Variants in PC observed in about 807,000 individuals in gnomAD.
PC encodes the protein pyruvate carboxylase, mitochondrial.
A neutral mutation model predicts 107.8 loss-of-function variants in PC; 46 were observed. That is an observed-to-expected ratio of 0.43 (90% CI 0.34 to 0.55). The LOEUF is 0.55. Ranked by LOEUF, PC falls within the 20% of genes least tolerant of loss-of-function variation. The pLI is 0.04. For synonymous variants in PC, 662 were observed against 684.7 expected, an observed-to-expected ratio of 0.97 and a Z score of 0.52; for missense variants, 1,241 against 1,643.1, an observed-to-expected ratio of 0.76 and a Z score of 4.23.
chr11:66,956,673 T>C (rs1342566629), intron 1 of PC, among the ~76,000 whole-genome samples: 2 of 152,208 alleles, frequency 1.3e-5, no homozygotes, highest in Non-Finnish European at 2.9e-5. Context: ...GTTTCTCCAC[T>C]GCAGCGGCAT....
chr11:66,873,746 CT>C (rs1946874033), intron 3 of PC, among the ~76,000 whole-genome samples: 1 of 150,004 alleles, frequency 6.7e-6, no homozygotes, highest in Non-Finnish European at 1.5e-5. Flanking sequence ...ACCCCTGCAT[CT>C]GGGCCTCATC....
chr11:66,941,212 G>A (rs1949122532), intron 3 of PC, among the ~76,000 whole-genome samples: 1 of 152,022 alleles, frequency 6.6e-6, no homozygotes, highest in African/African-American at 2.4e-5. Context: ...TGGTGAGGAT[G>A]TGGAAAAACT....
At chr11:66,941,152 G>C (rs1433265810) in intron 3 of PC, among the ~76,000 whole-genome samples, 1 of 149,266 alleles carries the variant, frequency 6.7e-6, no homozygotes, top group Non-Finnish European at 1.5e-5. Context: ...ACTACAATGA[G>C]ATATCACCTC....
chr11:66,885,727 G>A lies in PC; in HGVS notation c.1-13568C>T, dbSNP rs539501267. 1.1e-4 allele frequency among the ~76,000 whole-genome samples: 16 copies of A among 151,874 alleles called. No individual in the cohort carries two copies. The East Asian group carries it at 2.7e-3, about 26-fold the overall frequency. Reference sequence around the variant, plus strand: ...TGCTGGCAAACACCAGAAGCTGGCAGTGGCCAGGCAGGACCCTCCCAGAGC... The same window carrying A: ...TGCTGGCAAACACCAGAAGCTGGCAATGGCCAGGCAGGACCCTCCCAGAGC... On this transcript the variant is annotated intron_variant, in intron 3 of 22. Coordinates refer to ENST00000393960, the MANE Select transcript of PC (RefSeq NM_001040716.2).
In PC at chr11:66,863,974, C is replaced by T. The variant is rs768691819; in HGVS notation, c.1186-18G>A. 9 of 1,613,232 alleles carry T rather than the reference C, an allele frequency of 5.6e-6. No individual in the cohort carries two copies. Among genetic ancestry groups the T allele is most frequent in the Middle Eastern group, 1.6e-4 (1 of 6,084 alleles). ...CGGAACACCTGTGGGAAGGGTGAGG[C>T]GTGAGGACCTGCGCCAGAAACTGCG... On this transcript the variant is annotated intron_variant, in intron 11 of 22. Coordinates refer to ENST00000393960, the MANE Select transcript of PC (RefSeq NM_001040716.2).
rs1348683377 is a variant in PC, at chr11:66,852,308, T to C, written c.1825+131A>G. The C allele has an allele frequency of 1.1e-5, 9 of 846,078 alleles. No individual in the cohort carries two copies. In the East Asian group the frequency reaches 2.1e-4, roughly 20 times the overall value. 52.4% of individuals were successfully genotyped at this position (846,078 alleles called of 1,614,324 possible). On this transcript the variant is annotated intron_variant, in intron 15 of 22. Coordinates refer to ENST00000393960, the MANE Select transcript of PC (RefSeq NM_001040716.2). The surrounding 1 kb of genome is among the most constrained non-coding windows in gnomAD (Gnocchi z 4.7). ...GCCTGGCCGGAGAGGGCGCTGTGCC[T>C]TCTTCGGTCCTTCCTCTTTGGTGTT...
intron 3 of PC, among the ~76,000 whole-genome samples, chr11:66,879,339 C>T (rs903881557): frequency 6.6e-5 from 10 of 152,230 alleles, no homozygotes; most frequent in Admixed American, 3.3e-4. Flanking sequence ...CACACAGGCC[C>T]GAGGACACCA....
In PC at chr11:66,852,992, G is replaced by C. The variant is rs2135818550; in HGVS notation, c.1514-156C>G. 7 of 708,616 alleles carry C rather than the reference G, an allele frequency of 9.9e-6. 1 individual carries two copies. The South Asian group carries it at 1.3e-4, about 13-fold the overall frequency. The allele number at this position is 708,616 out of a possible 1,614,324, so 43.9% of individuals were successfully genotyped here. A position where few individuals can be genotyped will look rare whatever the true frequency, so the allele number is the denominator to read the frequency against. ...TCCTCTCCAAAGCCAGGGCCTCCTGGGTACAGGCAGTGGGGACGTCTTGAG... is the reference window on the plus strand; with the variant it reads ...TCCTCTCCAAAGCCAGGGCCTCCTGCGTACAGGCAGTGGGGACGTCTTGAG... On this transcript the variant is annotated intron_variant, in intron 13 of 22. Coordinates refer to ENST00000393960, the MANE Select transcript of PC (RefSeq NM_001040716.2). The surrounding 1 kb of genome is among the most constrained non-coding windows in gnomAD (Gnocchi z 4.7).
intron 3 of PC, among the ~76,000 whole-genome samples, chr11:66,929,156 G>A (rs188024811): frequency 6.6e-6 from 1 of 152,232 alleles, no homozygotes; most frequent in Non-Finnish European, 1.5e-5. Context: ...GTAGCCTTCT[G>A]GGACAAATCA....
At chr11:66,850,618 C>A in intron 18 of PC, 56 bp downstream of exon 18, 1 of 1,601,654 alleles carries the variant, frequency 6.2e-7, no homozygotes, top group Non-Finnish European at 8.5e-7. Context: ...ACTACTGGGA[C>A]TGGTGGTGGC....
At chr11:66,889,757 T>C (rs1003034129) in intron 3 of PC, among the ~76,000 whole-genome samples, 2 of 152,188 alleles carry the variant, frequency 1.3e-5, no homozygotes, top group African/African-American at 4.8e-5. Context: ...TGCAGTTCCT[T>C]TGTGATTCTT....
chr11:66,940,756 G>A (rs897903545), intron 3 of PC, among the ~76,000 whole-genome samples: 10 of 151,560 alleles, frequency 6.6e-5, no homozygotes, highest in Non-Finnish European at 1.3e-4. Context: ...TTTCCCCAAA[G>A]AAGATAGAAG....
intron 3 of PC, among the ~76,000 whole-genome samples, chr11:66,929,533 A>G (rs1004368474): frequency 6.6e-6 from 1 of 151,968 alleles, no homozygotes; most frequent in African/African-American, 2.4e-5. Context: ...TGCCCGGCTA[A>G]TTTTTGTATT....
chr11:66,851,929 C>A lies in PC; in HGVS notation c.1843G>T (p.Ala615Ser), dbSNP rs773466708. ...GGGCACTCATACAGGAAGCGCATGG[C>A]GACGTCAAACGTGGCTCCTGCACAG... ...ENWGGATFDVAMRFLYECPWR... is the reference protein window; with the variant it reads ...ENWGGATFDVSMRFLYECPWR... Residue 615 changes from alanine to serine, a missense_variant, in exon 16 of 23, where the codon GCC becomes TCC. By Grantham distance (99) the Ala-to-Ser change is moderately conservative (BLOSUM62 1). Coordinates refer to ENST00000393960, the MANE Select transcript of PC (RefSeq NM_001040716.2). 48 of 1,613,864 alleles carry A rather than the reference C, an allele frequency of 3.0e-5. No individual in the cohort carries two copies. The highest frequency in any genetic ancestry group is 4.0e-5 in the Non-Finnish European group (47 of 1,180,018).
intron 21 of PC, 26 bp downstream of exon 21, chr11:66,849,585 T>G (rs1945348197): frequency 1.2e-6 from 2 of 1,613,322 alleles, no homozygotes; most frequent in African/African-American, 2.7e-5. Context: ...CAGGGTGGAG[T>G]GTGGAGAAGC....
intron 3 of PC, among the ~76,000 whole-genome samples, chr11:66,928,504 AT>A (rs1423376142): frequency 1.3e-5 from 2 of 151,882 alleles, no homozygotes; most frequent in East Asian, 1.9e-4. Context: ...AAAAAAAAAA[AT>A]AATGTGAGCA....
At chr11:66,947,100 T>A (rs1206959554) in intron 3 of PC, among the ~76,000 whole-genome samples, 1 of 152,006 alleles carries the variant, frequency 6.6e-6, no homozygotes, top group Non-Finnish European at 1.5e-5. Context: ...TAAACATACA[T>A]ACAGCTACCA....
intron 3 of PC, among the ~76,000 whole-genome samples, chr11:66,887,213 G>A (rs1241942807): frequency 6.6e-6 from 1 of 152,102 alleles, no homozygotes; most frequent in East Asian, 1.9e-4. Context: ...GGGCCACCAA[G>A]CTCCACCCCA....
chr11:66,849,954 C>T lies in PC; in HGVS notation c.2881G>A (p.Glu961Lys). 1.2e-6 allele frequency: 2 copies of T among 1,613,568 alleles called. No homozygotes were observed. Among genetic ancestry groups the T allele is most frequent in the Non-Finnish European group, 1.7e-6 (2 of 1,180,024 alleles). The change falls in exon 20 of 23, where the codon GAA becomes AAA. Residue 961 changes from glutamate (E) to lysine (K), a missense_variant. Around this residue, in one of 2 missense-constraint regions of PC, gnomAD observed 1,143 missense variants for 1,551.9 expected, o/e 0.74. Coordinates refer to ENST00000393960, the MANE Select transcript of PC (RefSeq NM_001040716.2). ...TTCCCTACCTTAGAGCGAAAGGGTT[C>T]GGGGAACCCCCCATGGGGGACACCG... ...YIGVPHGGFP[E>K]PFRSKVLKDL...
Sources: allele counts gnomAD v4.1 joint callset (sites outside exome capture counted in the v4.1 genomes callset), GRCh38; gene constraint gnomAD v4.1.1; regional missense constraint gnomAD v4.1.1; non-coding constraint Gnocchi (gnomAD v3.1); transcripts MANE v1.5; gene names NCBI Gene and HGNC (gene_info 2026-07-23, HGNC 2026-07-21).